The following CALCOCO2 variants were observed in gnomAD, a reference collection of about 807,000 sequenced individuals.
CALCOCO2 encodes the protein calcium-binding and coiled-coil domain-containing protein 2.
In CALCOCO2, 42 loss-of-function variants were observed where a neutral mutation model predicts 62.5. That is an observed-to-expected ratio of 0.67 (90% CI 0.53 to 0.87). CALCOCO2 has a LOEUF of 0.87. Among genes scored for constraint, CALCOCO2 ranks in the 40% least tolerant of loss-of-function variants. CALCOCO2 has a pLI of 0.00. For missense variants in CALCOCO2, 456 were observed against 515.0 expected (o/e 0.89, Z 1.11); for synonymous variants, 167 against 173.0 (o/e 0.97, Z 0.27).
At chr17:48,842,016 G>T in intron 2 of CALCOCO2, 129 bp downstream of exon 2, 1 of 583,082 alleles carries the variant, frequency 1.7e-6, no homozygotes. Flanking sequence ...TTCTAGCCAA[G>T]CTCCACAGCA....
chr17:48,855,104 T>C (rs2040194881), intron 9 of CALCOCO2, among the ~76,000 whole-genome samples: 1 of 152,132 alleles, frequency 6.6e-6, no homozygotes, highest in Admixed American at 6.5e-5. Flanking sequence ...GAGAAAGTTA[T>C]CTTTGCACTA....
chr17:48,856,283 C>A (rs1480290002), intron 10 of CALCOCO2, 96 bp downstream of exon 10: 7 of 641,784 alleles, frequency 1.1e-5, no homozygotes, highest in Non-Finnish European at 1.9e-5. Flanking sequence ...AGTTAAGGGC[C>A]CTTTCTGGGA....
At chr17:48,844,118 G>A (rs2040013727) in intron 2 of CALCOCO2, 1 of 152,196 alleles carries the variant, frequency 6.6e-6, no homozygotes, top group South Asian at 2.1e-4. Flanking sequence ...CCCCACCTCA[G>A]GTAATCCGCC....
chr17:48,844,563 T>G (rs955123187), intron 2 of CALCOCO2, among the ~76,000 whole-genome samples: 1 of 151,898 alleles, frequency 6.6e-6, no homozygotes, highest in Admixed American at 6.6e-5. Context: ...CAAGCGATTC[T>G]CCTGCCTCAG....
chr17:48,860,037 T>C (rs2040305665), intron 10 of CALCOCO2, among the ~76,000 whole-genome samples: 1 of 152,130 alleles, frequency 6.6e-6, no homozygotes, highest in Non-Finnish European at 1.5e-5. Context: ...GAGGTTGCAG[T>C]GAGCCGAGAT....
At chr17:48,859,000 C>T (rs1439150411) in intron 10 of CALCOCO2, among the ~76,000 whole-genome samples, 1 of 127,938 alleles carries the variant, frequency 7.8e-6, no homozygotes, top group Non-Finnish European at 1.6e-5. Context: ...GAGCTGAGAT[C>T]GCACCACTAC....
Position 48,858,046 on chromosome 17 carries a change from A to ATAGAGAATAGAATAGAATAGAATAG in CALCOCO2, c.1008+1859_1008+1860insTAGAGAATAGAATAGAATAGAATAG. ...ATAGAATAGAATAGAATAGAATAGA[A>ATAGAGAATAGAATAGAATAGAATAG]AATAGAATAGAATAGAATAGAATAG... On this transcript the variant is annotated intron_variant, in intron 10 of 12. Coordinates refer to ENST00000258947, the MANE Select transcript of CALCOCO2 (RefSeq NM_005831.5). 4.0e-4 allele frequency among the ~76,000 whole-genome samples: 16 copies of ATAGAGAATAGAATAGAATAGAATAG among 40,048 alleles called. 4 individuals carry two copies. Among genetic ancestry groups the ATAGAGAATAGAATAGAATAGAATAG allele is most frequent in the Non-Finnish European group, 7.8e-4 (16 of 20,522 alleles). 26.3% of individuals were successfully genotyped at this position (40,048 alleles called of 152,430 possible).
chr17:48,856,297 T>G, intron 10 of CALCOCO2, 110 bp downstream of exon 10: 1 of 602,028 alleles, frequency 1.7e-6, no homozygotes, highest in Non-Finnish European at 3.0e-6. Context: ...TCTGGGACAG[T>G]GGGTGAAACA....
chr17:48,838,480 C>T (rs1011870884), intron 1 of CALCOCO2, among the ~76,000 whole-genome samples: 63 of 151,950 alleles, frequency 4.1e-4, no homozygotes, highest in Middle Eastern at 3.4e-3. Flanking sequence ...TTTGGGAGGC[C>T]GAGGTGGGCT....
chr17:48,832,306 A>T (rs1198243608), intron 1 of CALCOCO2, among the ~76,000 whole-genome samples: 2 of 152,220 alleles, frequency 1.3e-5, no homozygotes, highest in African/African-American at 4.8e-5. Flanking sequence ...AGGCAGGAGA[A>T]TCGCTTGGAC....
rs779733117 is a variant in CALCOCO2 at position 48,848,198 on chromosome 17, G to A, written c.283+32G>A. On this transcript the variant is annotated intron_variant, in intron 3 of 12. Coordinates refer to ENST00000258947, the MANE Select transcript of CALCOCO2 (RefSeq NM_005831.5). ...AAAATACTGGATCAAAGGTGTTGAAGACAGTAGCCAAGACTAATTAATTCC... is the reference window on the plus strand; with the variant it reads ...AAAATACTGGATCAAAGGTGTTGAAAACAGTAGCCAAGACTAATTAATTCC... 2.6e-6 allele frequency: 4 copies of A among 1,536,608 alleles called. No individual in the cohort carries two copies. In the Admixed American group the frequency reaches 6.7e-5, roughly 26 times the overall value.
Position 48,848,119 on chromosome 17 carries a change from T to C in CALCOCO2, c.236T>C (p.Ile79Thr). The C allele has an allele frequency of 5.6e-6, 9 of 1,613,824 alleles. No homozygotes were observed. The highest frequency in any genetic ancestry group is 7.6e-6 in the Non-Finnish European group (9 of 1,179,710). ...YYTFMWVTLPIDLNNKSAKQQ... is the reference protein window; with the variant it reads ...YYTFMWVTLPTDLNNKSAKQQ... ...ACCTTCATGTGGGTTACTTTGCCCA[T>C]TGACCTAAACAACAAATCAGCTAAA... The change falls in exon 3 of 13, where the codon ATT (isoleucine) becomes ACT (threonine). Residue 79 changes from isoleucine to threonine, a missense_variant. Physicochemically the swap from Ile to Thr is moderately conservative, Grantham distance 89. Around this residue, in one of 3 missense-constraint regions of CALCOCO2, gnomAD observed 236 missense variants for 225.3 expected, o/e 1.05. Transcript: ENST00000258947.
At chr17:48,854,189 G>T (rs1347512374) in intron 9 of CALCOCO2, among the ~76,000 whole-genome samples, 1 of 148,620 alleles carries the variant, frequency 6.7e-6, no homozygotes, top group Non-Finnish European at 1.5e-5. Context: ...GGTGGTGGGC[G>T]CCTGTAATCC....
rs777093345 is a variant in CALCOCO2 at position 48,863,620 on chromosome 17, C to G, written c.*615C>G. 6.5e-6 allele frequency: 1 copy of G among 154,464 alleles called. No homozygotes were observed. Among genetic ancestry groups the G allele is most frequent in the Non-Finnish European group, 1.4e-5 (1 of 69,562 alleles). The allele number at this position is 154,464 out of a possible 1,614,324, so 9.6% of individuals were successfully genotyped here. A position where few individuals can be genotyped will look rare whatever the true frequency, so the allele number is the denominator to read the frequency against. On this transcript the variant is annotated 3_prime_UTR_variant, in exon 13 of 13. Transcript: ENST00000258947. ...GAAGTATTGTTTCAGTCACAGAAAG[C>G]TTTTCTGGGTACCTCTGGTTAGCAC...
At chr17:48,849,973 T>G (rs1166556590) in intron 5 of CALCOCO2, among the ~76,000 whole-genome samples, 4 of 150,402 alleles carry the variant, frequency 2.7e-5, no homozygotes, top group Non-Finnish European at 5.9e-5. Flanking sequence ...GCCTGGCCAA[T>G]ATGACAAAAC....
chr17:48,845,918 C>T (rs553713575), intron 2 of CALCOCO2: 2 of 457,164 alleles, frequency 4.4e-6, no homozygotes, highest in Middle Eastern at 5.6e-4. Context: ...GGTTTTTCCT[C>T]CTCTACTCTG....
chr17:48,857,869 C>T (rs974686804), intron 10 of CALCOCO2, among the ~76,000 whole-genome samples: 4 of 149,350 alleles, frequency 2.7e-5, no homozygotes, highest in Non-Finnish European at 4.4e-5. Context: ...CCCAGCTACT[C>T]AGGAGGCTGA....
Position 48,852,918 on chromosome 17 carries a change from T to C in CALCOCO2, c.826-8T>C, listed in dbSNP as rs1192386352. 1.2e-6 allele frequency: 2 copies of C among 1,607,026 alleles called. No individual in the cohort carries two copies. ...CCAGCAATGGTACTGAAATCTCTTT[T>C]TGTGCAGAGGAAGGACCAGAAGAAG... On this transcript the variant is annotated splice_region_variant and splice_polypyrimidine_tract_variant and intron_variant, in intron 8 of 12. Transcript: ENST00000258947.
intron 1 of CALCOCO2, among the ~76,000 whole-genome samples, chr17:48,832,497 C>T (rs1183818296): frequency 6.6e-6 from 1 of 152,208 alleles, no homozygotes; most frequent in Non-Finnish European, 1.5e-5. Flanking sequence ...AACTCTTTCA[C>T]TTCTTTTTTC....
Sources: gnomAD v4.1 joint callset for allele counts (sites outside exome capture counted in the v4.1 genomes callset) on GRCh38, gnomAD v4.1.1 for gene constraint, gnomAD v4.1.1 regional missense constraint, MANE v1.5 for transcripts, NCBI Gene and HGNC (gene_info 2026-07-23, HGNC 2026-07-21) for gene names.